The following MTCL1 variants were observed in gnomAD, a reference collection of about 807,000 sequenced individuals.
MTCL1 encodes microtubule cross-linking factor 1.
A neutral mutation model predicts 141.4 loss-of-function variants in MTCL1; 79 were observed. The observed-to-expected ratio is 0.56, with a 90% CI of 0.47 to 0.67. The LOEUF (loss-of-function observed/expected upper bound fraction) is 0.67, where lower values mean the gene tolerates loss of function less well. Among genes scored for constraint, MTCL1 ranks in the 30% least tolerant of loss-of-function variants. The pLI, the probability that MTCL1 is intolerant of heterozygous loss-of-function variation, is 0.00. For missense variants in MTCL1, 2,177 were observed against 2,113.9 expected, an observed-to-expected ratio of 1.03 and a Z score of -0.59; for synonymous variants, 914 against 875.8, an observed-to-expected ratio of 1.04 and a Z score of -0.77.
At position 8,742,058 on chromosome 18, in the gene MTCL1, G is replaced by A. The variant is rs140725079; in HGVS notation, c.357+21562G>A. On this transcript the variant is annotated intron_variant, in intron 4 of 16. Transcript: ENST00000359865. Reference sequence around the variant, plus strand: ...GCAGGGCAAAAAAAAAAAGCACTGTGCTATGGAGCCAAGCCTAATGATCTT... The same window carrying A: ...GCAGGGCAAAAAAAAAAAGCACTGTACTATGGAGCCAAGCCTAATGATCTT... Among the ~76,000 whole-genome samples the A allele has an allele frequency of 4.1e-3, 616 of 151,952 alleles. 3 individuals are homozygous for A. Among genetic ancestry groups the A allele is most frequent in the Non-Finnish European group, 6.8e-3 (462 of 67,980 alleles).
intron 4 of MTCL1, among the ~76,000 whole-genome samples, chr18:8,730,634 C>G (rs548658602): frequency 3.8e-4 from 58 of 152,196 alleles, no homozygotes; most frequent in Non-Finnish European, 8.8e-5. Flanking sequence ...GCCGGCTTGT[C>G]CCCTGTGCGC....
chr18:8,825,270 CGG>C lies in MTCL1; in HGVS notation c.3761_3762del (p.Arg1254ProfsTer4), dbSNP rs1277953294. The C allele has an allele frequency of 6.4e-7, 1 of 1,572,812 alleles. No individual in the cohort carries two copies. Among genetic ancestry groups the C allele is most frequent in the African/African-American group, 1.4e-5 (1 of 73,508 alleles). On this transcript the variant is annotated frameshift_variant, in exon 15 of 17. Coordinates refer to ENST00000359865, the Ensembl canonical transcript of MTCL1. LOFTEE classifies it high-confidence loss of function. ...CTCCCGGGACTATGTGGAGGGGGCA[CGG>C]CGCCCCCTTGATAGTCCCCTCTGTA...
At chr18:8,776,291 A>G (rs1231517899) in intron 4 of MTCL1, among the ~76,000 whole-genome samples, 3 of 152,158 alleles carry the variant, frequency 2.0e-5, no homozygotes, top group African/African-American at 7.2e-5. Flanking sequence ...TTTCCTCAGG[A>G]TTAACTTAAT....
Position 8,783,813 on chromosome 18 carries a change from GC to G in MTCL1, c.703del (p.Leu235SerfsTer47). The G allele has an allele frequency of 6.2e-7, 1 of 1,613,300 alleles. No homozygotes were observed. The highest frequency in any genetic ancestry group is 8.5e-7 in the Non-Finnish European group (1 of 1,179,982). On this transcript the variant is annotated frameshift_variant, in exon 6 of 17. Transcript: ENST00000359865. LOFTEE classifies it high-confidence loss of function. ...GTGGAGCTGGAGGTGGAGAACCGTG[GC>G]CTCAAGGCAGAGATGGAGGACATGC...
In MTCL1 at chr18:8,739,151, G is replaced by A. The variant is rs144739834; in HGVS notation, c.357+18655G>A. 8.6e-3 allele frequency among the ~76,000 whole-genome samples: 1,307 copies of A among 152,244 alleles called. 8 individuals carry two copies. Among genetic ancestry groups the A allele is most frequent in the Middle Eastern group, 0.017 (5 of 294 alleles). ...TCTCAGCTACTTGGGAGCCTGAGGC[G>A]GAAGGATCTCTTGAGCCCAGGAGTT... On this transcript the variant is annotated intron_variant, in intron 4 of 16. Coordinates refer to ENST00000359865, the Ensembl canonical transcript of MTCL1.
chr18:8,748,054 C>T (rs1286149400), intron 4 of MTCL1, among the ~76,000 whole-genome samples: 1 of 152,120 alleles, frequency 6.6e-6, no homozygotes, highest in Admixed American at 6.5e-5. Flanking sequence ...CAGACCATAC[C>T]CCTCAGAACT....
intron 1 of MTCL1, among the ~76,000 whole-genome samples, chr18:8,708,260 C>T (rs7230617): frequency 0.53 from 80,407 of 151,908 alleles, 21,792 homozygotes; most frequent in African/African-American, 0.63. Flanking sequence ...CAAGGGAAAA[C>T]TGTATTTCTT....
chr18:8,809,917 C>T, intron 11 of MTCL1: 1 of 234,080 alleles, frequency 4.3e-6, no homozygotes, highest in Non-Finnish European at 8.3e-6. Context: ...CGCTGCAGGA[C>T]TGTGCACAGA....
At chr18:8,821,195 C>T (rs1370170533) in intron 13 of MTCL1, among the ~76,000 whole-genome samples, 2 of 152,204 alleles carry the variant, frequency 1.3e-5, no homozygotes, top group African/African-American at 4.8e-5. Context: ...GCCACCTCCT[C>T]CATGACAAAG....
In MTCL1 at chr18:8,830,526, C is replaced by T; in HGVS notation, c.*19-1081C>T. The T allele has an allele frequency of 1.0e-6, 1 of 986,424 alleles. No homozygotes were observed. Among genetic ancestry groups the T allele is most frequent in the Non-Finnish European group, 1.2e-6 (1 of 830,674 alleles). The allele number at this position is 986,424 out of a possible 1,614,324, so 61.1% of individuals were successfully genotyped here. On this transcript the variant is annotated intron_variant, in intron 16 of 16. Coordinates refer to ENST00000359865, the Ensembl canonical transcript of MTCL1. This position sits in a 1 kb window ranked among gnomAD's most constrained non-coding sequence, Gnocchi z 6.4. ...TTCCGTGCAGCCGTCTGTCCTTCCC[C>T]CGCTGCTGCTCCCCTGCACCACTGG...
chr18:8,722,464 G>A (rs910390378), intron 4 of MTCL1, among the ~76,000 whole-genome samples: 3 of 152,222 alleles, frequency 2.0e-5, no homozygotes, highest in African/African-American at 7.2e-5. Flanking sequence ...ATAGCCTACT[G>A]TAGACTGGAA....
At chr18:8,727,176 C>T (rs773230112) in intron 4 of MTCL1, among the ~76,000 whole-genome samples, 1 of 151,740 alleles carries the variant, frequency 6.6e-6, no homozygotes, top group African/African-American at 2.4e-5. Flanking sequence ...TGTATATATA[C>T]CACACTTTCT....
chr18:8,715,392 T>C (rs561404616), upstream of MTCL1, among the ~76,000 whole-genome samples: 1 of 152,338 alleles, frequency 6.6e-6, no homozygotes, highest in South Asian at 2.1e-4. Flanking sequence ...TCCCAGGCAT[T>C]AATGACTTTG....
rs73396413 is a variant in MTCL1 at position 8,729,841 on chromosome 18, C to T, written c.357+9345C>T. Among the ~76,000 whole-genome samples, 411 of 151,824 alleles carry T rather than the reference C, an allele frequency of 2.7e-3. 3 individuals are homozygous for T. Among genetic ancestry groups the T allele is most frequent in the African/African-American group, 9.5e-3 (395 of 41,458 alleles). ...ATGAAGCCCAATTTAAGAATGATTC[C>T]TTTTGTGGTATCAATTTTAAAAGCT... On this transcript the variant is annotated intron_variant, in intron 4 of 16. Transcript: ENST00000359865.
At chr18:8,809,942 TAGAA>T (rs1399700535) in intron 11 of MTCL1, 1 of 175,640 alleles carries the variant, frequency 5.7e-6, no homozygotes, top group Admixed American at 6.2e-5. Context: ...AAGGAACTCA[TAGAA>T]GGAACCAAAA....
chr18:8,725,584 T>C (rs1239029601), intron 4 of MTCL1, among the ~76,000 whole-genome samples: 1 of 152,164 alleles, frequency 6.6e-6, no homozygotes, highest in South Asian at 2.1e-4. Context: ...AAAAATTTTT[T>C]AATGGTGGTT....
In MTCL1 at chr18:8,706,727, C is replaced by T. The variant is rs1430317344; in HGVS notation, c.1053+14C>T. The T allele has an allele frequency of 1.9e-6, 3 of 1,544,164 alleles. No individual in the cohort carries two copies. The highest frequency in any genetic ancestry group is 2.0e-5 in the Admixed American group (1 of 50,862). ...GACTATCTCAAGGTGAGCCGCGCCT[C>T]GGCCGCAGGTGTCCCGGGGCGCCCC... is the stretch of plus-strand genomic sequence containing the variant. On this transcript the variant is annotated intron_variant, in intron 1 of 13. Transcript: ENST00000306329.
intron 4 of MTCL1, among the ~76,000 whole-genome samples, chr18:8,736,144 T>C (rs2096273538): frequency 6.6e-6 from 1 of 152,120 alleles, no homozygotes. Context: ...CTGCCATTGA[T>C]TGAAAGGTAC....
intron 4 of MTCL1, among the ~76,000 whole-genome samples, chr18:8,750,444 C>A (rs898684569): frequency 6.6e-6 from 1 of 152,208 alleles, no homozygotes; most frequent in Admixed American, 6.5e-5. Flanking sequence ...CAGGGTGGGG[C>A]CCCACCTGCT....
Sources: allele counts gnomAD v4.1 joint callset (sites outside exome capture counted in the v4.1 genomes callset), GRCh38; gene constraint gnomAD v4.1.1; non-coding constraint Gnocchi (gnomAD v3.1); transcripts MANE v1.5; gene names NCBI Gene and HGNC (gene_info 2026-07-23, HGNC 2026-07-21).